Variants in EDARADD observed in about 807,000 individuals in gnomAD.
The protein encoded by EDARADD is ectodysplasin-A receptor-associated adapter protein.
Under a neutral mutation model 25.6 loss-of-function variants are expected in EDARADD, and 20 were observed. The ratio of observed to expected loss-of-function variants is 0.78; its 90% CI spans 0.55 to 1.14. The LOEUF (loss-of-function observed/expected upper bound fraction) is 1.14, where lower values mean the gene tolerates loss of function less well. Among genes scored for constraint, EDARADD ranks in the 50% most tolerant of loss-of-function variants. The probability of loss-of-function intolerance (pLI) is 0.00; values close to 1 mark genes in which losing one functional copy is unlikely to be tolerated. For synonymous variants in EDARADD, 86 were observed against 94.4 expected, an observed-to-expected ratio of 0.91 and a Z score of 0.52; for missense variants, 225 against 270.1, an observed-to-expected ratio of 0.83 and a Z score of 1.17.
intron 2 of EDARADD, among the ~76,000 whole-genome samples, chr1:236,412,092 C>G (rs1172175118): frequency 2.6e-5 from 4 of 152,178 alleles, no homozygotes; most frequent in Admixed American, 6.5e-5. Context: ...GGCCTTACCT[C>G]AGCATCCACT....
intron 4 of EDARADD, among the ~76,000 whole-genome samples, chr1:236,441,857 C>T (rs1181091669): frequency 6.6e-6 from 1 of 152,002 alleles, no homozygotes; most frequent in Non-Finnish European, 1.5e-5. Flanking sequence ...TCTATAAAGG[C>T]TGAGAGAATT....
At chr1:236,466,199 G>A (rs1308430413) in intron 4 of EDARADD, among the ~76,000 whole-genome samples, 1 of 152,134 alleles carries the variant, frequency 6.6e-6, no homozygotes. Context: ...TGGTAAAAGA[G>A]CCCACATACC....
chr1:236,370,746 C>T (rs1376749591), intron 3 of EDARADD, among the ~76,000 whole-genome samples: 1 of 152,182 alleles, frequency 6.6e-6, no homozygotes, highest in Admixed American at 6.5e-5. Context: ...ATCCCAAGCA[C>T]ACTGATCTTA....
At chr1:236,480,931 G>T (rs776037773) in intron 5 of EDARADD, among the ~76,000 whole-genome samples, 9 of 152,136 alleles carry the variant, frequency 5.9e-5, no homozygotes, top group Non-Finnish European at 1.2e-4. Flanking sequence ...AAGCTCAGCT[G>T]AAAAGCCTCC....
intron 3 of EDARADD, among the ~76,000 whole-genome samples, chr1:236,367,850 T>C (rs140723385): frequency 0.018 from 2,730 of 152,280 alleles, 33 homozygotes; most frequent in Non-Finnish European, 0.027. Flanking sequence ...GGCTCATGCC[T>C]GTAATTCTAG....
At chr1:236,349,182 A>T (rs34488677) in intron 2 of EDARADD, among the ~76,000 whole-genome samples, 52,476 of 151,216 alleles carry the variant, frequency 0.35, 9,350 homozygotes, top group African/African-American at 0.43. Context: ...TGTACTCAAA[A>T]TTTTTTTTGA....
At position 236,438,685 on chromosome 1, in the gene EDARADD, C is replaced by T. The variant is rs141429963; in HGVS notation, c.219+11235C>T. Among the ~76,000 whole-genome samples the T allele has an allele frequency of 3.4e-3, 522 of 152,192 alleles. 1 individual carries two copies. The highest frequency in any genetic ancestry group is 0.024 in the Middle Eastern group (7 of 294). ...TTATTATTATTTTTAATACGCTTTACGTTTTTGGAGAATTTTTAGGTTCAC... is the reference window on the plus strand; with the variant it reads ...TTATTATTATTTTTAATACGCTTTATGTTTTTGGAGAATTTTTAGGTTCAC... On this transcript the variant is annotated intron_variant, in intron 4 of 5. Coordinates refer to ENST00000334232, the MANE Select transcript of EDARADD (RefSeq NM_145861.4).
At chr1:236,451,043 G>A (rs1050821527) in intron 4 of EDARADD, among the ~76,000 whole-genome samples, 5 of 151,944 alleles carry the variant, frequency 3.3e-5, no homozygotes, top group African/African-American at 7.3e-5. Context: ...GGCAGTGCAC[G>A]CCCAGCTGAA....
intron 4 of EDARADD, among the ~76,000 whole-genome samples, chr1:236,459,638 G>T (rs551442312): frequency 7.9e-4 from 102 of 129,416 alleles, no homozygotes; most frequent in African/African-American, 2.7e-3. Context: ...TTTTGAGATG[G>T]AGTTTCATTC....
intron 4 of EDARADD, 74 bp downstream of exon 4, chr1:236,427,524 G>A: frequency 7.3e-7 from 1 of 1,371,074 alleles, no homozygotes. Flanking sequence ...GATTTATAGA[G>A]TTTTACAAAT....
chr1:236,430,157 T>G (rs918150243), intron 4 of EDARADD, among the ~76,000 whole-genome samples: 1 of 152,222 alleles, frequency 6.6e-6, no homozygotes, highest in East Asian at 1.9e-4. Context: ...AACTTTGTTT[T>G]GGGGAATTTT....
chr1:236,454,934 G>A (rs1431918341), intron 4 of EDARADD, among the ~76,000 whole-genome samples: 10 of 152,310 alleles, frequency 6.6e-5, no homozygotes, highest in Middle Eastern at 3.4e-3. Flanking sequence ...TGGAAAGGCC[G>A]TGTGTGGTGG....
At chr1:236,454,032 ATCTTTT>A (rs147876984) in intron 4 of EDARADD, among the ~76,000 whole-genome samples, 15,819 of 151,772 alleles carry the variant, frequency 0.1, 1,233 homozygotes, top group African/African-American at 0.21. Context: ...CAGAGTTTGT[ATCTTTT>A]TCTTTTTCTT....
chr1:236,431,927 CAAAAAAAAAAAA>C lies in EDARADD; in HGVS notation c.219+4491_219+4502del, dbSNP rs1170622280. Among the ~76,000 whole-genome samples the C allele has an allele frequency of 3.9e-4, 7 of 17,996 alleles. 2 individuals are homozygous for C. Among genetic ancestry groups the C allele is most frequent in the Non-Finnish European group, 5.0e-4 (2 of 4,000 alleles). The allele number at this position is 17,996 out of a possible 152,430, so 11.8% of individuals were successfully genotyped here. ...TGGGCGACAGAGCGAGACTCCGTCT[CAAAAAAAAAAAA>C]AAAAAAAAAAAAAGACCCCAGGCAG... On this transcript the variant is annotated intron_variant, in intron 4 of 5. Transcript: ENST00000334232.
chr1:236,477,767 A>T (rs984041953), intron 5 of EDARADD, among the ~76,000 whole-genome samples: 2 of 152,128 alleles, frequency 1.3e-5, no homozygotes, highest in Non-Finnish European at 2.9e-5. Flanking sequence ...ACTTAAAAAA[A>T]ATCCTTGAAA....
intron 3 of EDARADD, among the ~76,000 whole-genome samples, chr1:236,371,594 A>C (rs1289715507): frequency 7.7e-6 from 1 of 130,216 alleles, no homozygotes; most frequent in Non-Finnish European, 1.6e-5. Flanking sequence ...TTTGAGATGG[A>C]GTTTTGCTCT....
At chr1:236,369,623 C>T (rs533709935) in intron 3 of EDARADD, among the ~76,000 whole-genome samples, 2 of 152,260 alleles carry the variant, frequency 1.3e-5, no homozygotes, top group East Asian at 1.9e-4. Context: ...AGGTGGATCA[C>T]CTGAGGTCAG....
chr1:236,473,658 G>A (rs940158534), intron 5 of EDARADD, among the ~76,000 whole-genome samples: 3 of 152,112 alleles, frequency 2.0e-5, no homozygotes, highest in Admixed American at 6.5e-5. Flanking sequence ...GGTGGCGTGC[G>A]CCTGTGGTCC....
intron 2 of EDARADD, 26 bp downstream of exon 2, chr1:236,409,300 G>T (rs370449930): frequency 7.0e-6 from 11 of 1,568,542 alleles, no homozygotes; most frequent in African/African-American, 5.4e-5. Flanking sequence ...TACACTAATG[G>T]TGATAATTAT....
Sources: allele counts gnomAD v4.1 joint callset (sites outside exome capture counted in the v4.1 genomes callset), GRCh38; gene constraint gnomAD v4.1.1; transcripts MANE v1.5; gene names NCBI Gene and HGNC (gene_info 2026-07-23, HGNC 2026-07-21).